The following RGS6 variants were observed in gnomAD, a reference collection of about 807,000 sequenced individuals.
RGS6 encodes the protein regulator of G protein signaling 6.
A neutral mutation model predicts 78.5 loss-of-function variants in RGS6; 30 were observed. That is an observed-to-expected ratio of 0.38 (90% CI 0.29 to 0.52). The LOEUF is 0.52. Ranked by LOEUF, RGS6 falls within the 20% of genes least tolerant of loss-of-function variation. RGS6 has a pLI of 0.85. For synonymous variants in RGS6, 206 were observed against 206.0 expected, an observed-to-expected ratio of 1.00 and a Z score of 0.00; for missense variants, 495 against 609.7, an observed-to-expected ratio of 0.81 and a Z score of 1.98.
intron 2 of RGS6, among the ~76,000 whole-genome samples, chr14:72,063,039 A>T (rs936247553): frequency 2.6e-5 from 4 of 152,074 alleles, no homozygotes; most frequent in Non-Finnish European, 4.4e-5. Context: ...GGCCAGGCTG[A>T]TCCCGAACTT....
intron 3 of RGS6, among the ~76,000 whole-genome samples, chr14:72,363,079 G>C (rs2081792376): frequency 6.6e-6 from 1 of 152,186 alleles, no homozygotes; most frequent in Admixed American, 6.5e-5. Flanking sequence ...AACAGCCACA[G>C]GAATGAAAAG....
At chr14:72,333,975 T>C (rs564682658) in intron 2 of RGS6, among the ~76,000 whole-genome samples, 1 of 152,324 alleles carries the variant, frequency 6.6e-6, no homozygotes, top group South Asian at 2.1e-4. Flanking sequence ...CAAGTGGAAG[T>C]TGTCTCTCTC....
rs1334198077 is a variant in RGS6, at chr14:72,072,344, C to T, written c.84+107469C>T. ...TTTTTTTTTGAGATGGAGTCTCGCT[C>T]TGTCGCCAGGCTGGAGTGCGGTGGC... is the stretch of plus-strand genomic sequence containing the variant. On this transcript the variant is annotated intron_variant, in intron 2 of 17. Transcript: ENST00000553525. 7.3e-5 allele frequency among the ~76,000 whole-genome samples: 11 copies of T among 150,750 alleles called. No individual in the cohort carries two copies. The East Asian group carries it at 1.4e-3, about 19-fold the overall frequency.
intron 2 of RGS6, among the ~76,000 whole-genome samples, chr14:72,101,955 G>A (rs2095537358): frequency 6.6e-6 from 1 of 152,154 alleles, no homozygotes; most frequent in African/African-American, 2.4e-5. Context: ...TTGGCTTCTT[G>A]GTGTTGACAA....
At chr14:72,387,378 T>C (rs1454882947) in intron 3 of RGS6, among the ~76,000 whole-genome samples, 1 of 152,026 alleles carries the variant, frequency 6.6e-6, no homozygotes, top group South Asian at 2.1e-4. Flanking sequence ...CAAAACCCCA[T>C]CTCTACTAAA....
At chr14:71,976,362 T>C (rs1051371781) in intron 2 of RGS6, among the ~76,000 whole-genome samples, 1 of 151,246 alleles carries the variant, frequency 6.6e-6, no homozygotes, top group Non-Finnish European at 1.5e-5. Flanking sequence ...CTGCACCCAC[T>C]AACTCGTCAT....
At chr14:71,988,041 C>G (rs2094795789) in intron 2 of RGS6, among the ~76,000 whole-genome samples, 1 of 151,988 alleles carries the variant, frequency 6.6e-6, no homozygotes, top group Non-Finnish European at 1.5e-5. Flanking sequence ...ATGTTCTGGT[C>G]AGGATTTGTG....
At chr14:71,927,437 G>A (rs2087730185), upstream of RGS6, among the ~76,000 whole-genome samples, 1 of 151,808 alleles carries the variant, frequency 6.6e-6, no homozygotes, top group Admixed American at 6.6e-5. Flanking sequence ...ACATTGCAAA[G>A]AGAAAAAAAA....
intron 2 of RGS6, among the ~76,000 whole-genome samples, chr14:72,199,174 A>T (rs1450827531): frequency 3.3e-5 from 5 of 152,224 alleles, no homozygotes; most frequent in Non-Finnish European, 7.3e-5. Context: ...CAGTGATGGA[A>T]TGGTGATGGT....
At chr14:71,971,640 A>G (rs2093808710) in intron 2 of RGS6, among the ~76,000 whole-genome samples, 1 of 152,220 alleles carries the variant, frequency 6.6e-6, no homozygotes, top group Non-Finnish European at 1.5e-5. Flanking sequence ...ATGGGTTAGT[A>G]ATCCAAGTGC....
At chr14:72,099,673 G>A (rs1459374069) in intron 2 of RGS6, among the ~76,000 whole-genome samples, 1 of 152,182 alleles carries the variant, frequency 6.6e-6, no homozygotes, top group Non-Finnish European at 1.5e-5. Flanking sequence ...GCTTGGGACA[G>A]TTGTATTCAG....
intron 2 of RGS6, among the ~76,000 whole-genome samples, chr14:72,256,785 A>G (rs1005267027): frequency 6.6e-6 from 1 of 152,188 alleles, no homozygotes; most frequent in Admixed American, 6.5e-5. Context: ...GCTTTCTGTC[A>G]TTGTCATAAT....
chr14:72,554,627 C>A (rs988262804), intron 17 of RGS6, among the ~76,000 whole-genome samples: 19 of 151,848 alleles, frequency 1.3e-4, no homozygotes, highest in African/African-American at 4.1e-4. Flanking sequence ...GGAAGGCATG[C>A]CACCGAGAGG....
chr14:72,220,709 A>C (rs986065005), intron 2 of RGS6, among the ~76,000 whole-genome samples: 2 of 152,246 alleles, frequency 1.3e-5, no homozygotes, highest in East Asian at 3.8e-4. Context: ...TATTGCCTCA[A>C]TGTAGTCTCA....
intron 12 of RGS6, among the ~76,000 whole-genome samples, chr14:72,478,849 G>A (rs760510485): frequency 8.5e-5 from 13 of 152,156 alleles, no homozygotes; most frequent in Non-Finnish European, 1.5e-4. Context: ...CTTCCACAGC[G>A]GTGTGTGTGC....
intron 2 of RGS6, among the ~76,000 whole-genome samples, chr14:72,165,218 G>A (rs1432146953): frequency 6.6e-6 from 1 of 152,232 alleles, no homozygotes; most frequent in Non-Finnish European, 1.5e-5. Flanking sequence ...TAATGCGTAT[G>A]TGCAGTGATT....
chr14:72,472,438 A>C (rs975426114), intron 8 of RGS6, among the ~76,000 whole-genome samples: 1 of 152,260 alleles, frequency 6.6e-6, no homozygotes, highest in Non-Finnish European at 1.5e-5. Context: ...ATCTAAAGCA[A>C]ACTTTCAAAT....
At chr14:72,029,366 T>G (rs2090458574) in intron 2 of RGS6, among the ~76,000 whole-genome samples, 9 of 152,252 alleles carry the variant, frequency 5.9e-5, no homozygotes, top group Admixed American at 5.9e-4. Flanking sequence ...TGTATTTTGA[T>G]GCATCAGACT....
At chr14:71,962,757 C>T (rs1034527534) in intron 1 of RGS6, among the ~76,000 whole-genome samples, 6 of 152,100 alleles carry the variant, frequency 3.9e-5, no homozygotes, top group African/African-American at 4.8e-5. Flanking sequence ...TAGTGTTATT[C>T]GAATGGGATA....
Sources: allele counts gnomAD v4.1 joint callset (sites outside exome capture counted in the v4.1 genomes callset), GRCh38; gene constraint gnomAD v4.1.1; transcripts MANE v1.5; gene names NCBI Gene and HGNC (gene_info 2026-07-23, HGNC 2026-07-21).